Variants in ARSB observed in about 807,000 individuals in gnomAD.
ARSB encodes arylsulfatase B.
ARSB carries 41 observed loss-of-function variants against 50.9 expected under a neutral mutation model. The observed-to-expected ratio is 0.81, with a 90% CI of 0.63 to 1.04. ARSB has a LOEUF of 1.04. Among genes scored for constraint, ARSB ranks in the 50% least tolerant of loss-of-function variants. The pLI is 0.00. For synonymous variants in ARSB, 269 were observed against 284.8 expected, an observed-to-expected ratio of 0.94 and a Z score of 0.56; for missense variants, 672 against 693.3, an observed-to-expected ratio of 0.97 and a Z score of 0.35.
chr5:78,964,310 AATTT>A (rs1395662436), intron 3 of ARSB, 102 bp downstream of exon 3: 5 of 1,147,314 alleles, frequency 4.4e-6, no homozygotes, highest in African/African-American at 3.1e-5. Context: ...ACTTCCCTAG[AATTT>A]ATTAGATTTT....
At chr5:78,799,586 A>G (rs1007738806) in intron 6 of ARSB, among the ~76,000 whole-genome samples, 1 of 152,242 alleles carries the variant, frequency 6.6e-6, no homozygotes, top group Admixed American at 6.5e-5. Context: ...CCTACTTCTG[A>G]ACCCGCATAC....
At chr5:78,910,217 G>A (rs1366923561) in intron 4 of ARSB, among the ~76,000 whole-genome samples, 2 of 152,184 alleles carry the variant, frequency 1.3e-5, no homozygotes, top group East Asian at 1.9e-4. Flanking sequence ...GACCGGTGCC[G>A]GTGCAGGTCC....
At chr5:78,844,751 T>C (rs1484590371) in intron 5 of ARSB, among the ~76,000 whole-genome samples, 2 of 152,120 alleles carry the variant, frequency 1.3e-5, no homozygotes, top group African/African-American at 4.8e-5. Flanking sequence ...TTTTTTATTA[T>C]GTTTAATTGA....
At chr5:78,827,788 T>C (rs760880726) in intron 6 of ARSB, among the ~76,000 whole-genome samples, 69 of 152,088 alleles carry the variant, frequency 4.5e-4, no homozygotes, top group Admixed American at 1.3e-4. Flanking sequence ...AGGGCTGTCA[T>C]TCCAAAGAAT....
intron 5 of ARSB, among the ~76,000 whole-genome samples, chr5:78,842,262 C>T (rs73767450): frequency 1.3e-5 from 2 of 151,904 alleles, no homozygotes; most frequent in African/African-American, 4.8e-5. Context: ...CGGAGCTTGT[C>T]GGAAGGAGGG....
Position 78,780,579 on chromosome 5 carries a change from G to A in ARSB, c.1420C>T (p.Leu474Phe). 6.2e-7 allele frequency: 1 copy of A among 1,614,144 alleles called. No individual in the cohort carries two copies. Among genetic ancestry groups the A allele is most frequent in the Non-Finnish European group, 8.5e-7 (1 of 1,180,002 alleles). Reference sequence around the variant, plus strand: ...TCAGGGTCCCGATCAATATCAAAGAGCCAGAGGGTCTTGGTTGGTGGGTCT... The same window carrying A: ...TCAGGGTCCCGATCAATATCAAAGAACCAGAGGGTCTTGGTTGGTGGGTCT... ...SSDPPTKTLW[L>F]FDIDRDPEER... Residue 474 changes from leucine (L) to phenylalanine (F), a missense_variant, in exon 8 of 8, where the codon CTC becomes TTC. Leu to Phe is a conservative substitution (Grantham distance 22, BLOSUM62 0). Coordinates refer to ENST00000264914, the MANE Select transcript of ARSB (RefSeq NM_000046.5).
intron 6 of ARSB, among the ~76,000 whole-genome samples, chr5:78,806,448 A>C (rs1214395673): frequency 6.6e-6 from 1 of 152,236 alleles, no homozygotes; most frequent in Non-Finnish European, 1.5e-5. Flanking sequence ...TACAGGGAAC[A>C]AAATGTGATT....
chr5:78,899,252 T>G (rs1748699928), intron 4 of ARSB, among the ~76,000 whole-genome samples: 2 of 152,230 alleles, frequency 1.3e-5, no homozygotes, highest in African/African-American at 4.8e-5. Flanking sequence ...CTCTTTGTCC[T>G]TGACCTTTGA....
intron 4 of ARSB, among the ~76,000 whole-genome samples, chr5:78,929,657 G>A (rs1360790773): frequency 1.3e-5 from 2 of 151,980 alleles, no homozygotes; most frequent in Non-Finnish European, 2.9e-5. Flanking sequence ...GCCCAGTGTG[G>A]TGGTGGGTGC....
chr5:78,875,026 T>C (rs1747421354), intron 5 of ARSB, among the ~76,000 whole-genome samples: 2 of 152,172 alleles, frequency 1.3e-5, no homozygotes, highest in Non-Finnish European at 2.9e-5. Context: ...GGTGGAAGGA[T>C]TGCTTGAGCC....
intron 4 of ARSB, among the ~76,000 whole-genome samples, chr5:78,894,747 G>A (rs989373059): frequency 5.9e-5 from 9 of 152,192 alleles, no homozygotes; most frequent in Admixed American, 6.5e-5. Flanking sequence ...GAACCTCTTC[G>A]GATCTGCAGA....
chr5:78,831,600 C>T (rs540902032), intron 6 of ARSB, among the ~76,000 whole-genome samples: 1 of 152,186 alleles, frequency 6.6e-6, no homozygotes, highest in Non-Finnish European at 1.5e-5. Flanking sequence ...AGCGATGAGA[C>T]CTGCGAAATC....
Position 78,885,618 on chromosome 5 carries a change from G to C in ARSB, c.1108C>G (p.Pro370Ala). Residue 370 changes from proline (P) to alanine (A), a missense_variant, in exon 5 of 8, where the codon CCT becomes GCT. Transcript: ENST00000264914. The part of the protein sequence containing the change: ...LARGHTNGTK[P>A]LDGFDVWKTI... ...TTCCACACGTCGAAGCCATCCAGAG[G>C]CTTTGTGCCATTGGTGTGTCCCCTG... 6.2e-7 allele frequency: 1 copy of C among 1,614,084 alleles called. No homozygotes were observed. The highest frequency in any genetic ancestry group is 8.5e-7 in the Non-Finnish European group (1 of 1,180,020).
At chr5:78,968,363 T>A (rs974270005) in intron 2 of ARSB, among the ~76,000 whole-genome samples, 16 of 134,496 alleles carry the variant, frequency 1.2e-4, no homozygotes, top group South Asian at 2.4e-4. Flanking sequence ...TATTATTATT[T>A]TTGAGACAGA....
At chr5:78,905,442 G>A (rs1436992063) in intron 4 of ARSB, among the ~76,000 whole-genome samples, 1 of 148,154 alleles carries the variant, frequency 6.7e-6, no homozygotes, top group Non-Finnish European at 1.5e-5. Context: ...TCCTCTCGAG[G>A]GTGTTGATGT....
At chr5:78,875,612 T>C (rs1561476827) in intron 5 of ARSB, among the ~76,000 whole-genome samples, 1 of 151,980 alleles carries the variant, frequency 6.6e-6, no homozygotes. Context: ...GTAAGTATCA[T>C]GATCGAAAGA....
chr5:78,955,618 T>C (rs1000665910), intron 3 of ARSB, 116 bp from the exon 4 acceptor site: 15 of 851,560 alleles, frequency 1.8e-5, no homozygotes, highest in Non-Finnish European at 2.7e-5. Flanking sequence ...ACCTACAGAA[T>C]GCATTGAAAG....
chr5:78,955,531 A>G, intron 3 of ARSB, 29 bp from the exon 4 acceptor site: 2 of 1,573,114 alleles, frequency 1.3e-6, no homozygotes, highest in Non-Finnish European at 1.7e-6. Flanking sequence ...CAAACCAGTT[A>G]AGAGGATATT....
intron 2 of ARSB, among the ~76,000 whole-genome samples, chr5:78,966,739 T>C (rs965037863): frequency 6.6e-6 from 1 of 152,180 alleles, no homozygotes; most frequent in African/African-American, 2.4e-5. Context: ...CAATTCAAAA[T>C]ATCTACAGCC....
Sources: gnomAD v4.1 joint callset for allele counts (sites outside exome capture counted in the v4.1 genomes callset) on GRCh38, gnomAD v4.1.1 for gene constraint, MANE v1.5 for transcripts, NCBI Gene and HGNC (gene_info 2026-07-23, HGNC 2026-07-21) for gene names.